ARL15: variants seen among roughly 807,000 people sequenced by gnomAD.
ARL15 encodes ADP-ribosylation factor-like protein 15.
ARL15 carries 19 observed loss-of-function variants against 25.2 expected under a neutral mutation model. The observed-to-expected ratio is 0.75, with a 90% CI of 0.53 to 1.10. The LOEUF (loss-of-function observed/expected upper bound fraction) is 1.10, where lower values mean the gene tolerates loss of function less well. Ranked by LOEUF, ARL15 falls within the 50% of genes least tolerant of loss-of-function variation. The pLI is 0.00. For synonymous variants in ARL15, 94 were observed against 86.8 expected, an observed-to-expected ratio of 1.08 and a Z score of -0.46; for missense variants, 220 against 246.0, an observed-to-expected ratio of 0.89 and a Z score of 0.71.
intron 1 of ARL15, among the ~76,000 whole-genome samples, chr5:54,269,579 T>C (rs1188123243): frequency 1.3e-5 from 2 of 152,232 alleles, no homozygotes; most frequent in African/African-American, 4.8e-5. Context: ...TTTTCAGTAA[T>C]ACATCTCTTA....
chr5:53,926,989 A>G (rs867456772), intron 4 of ARL15, among the ~76,000 whole-genome samples: 2 of 151,898 alleles, frequency 1.3e-5, no homozygotes, highest in Non-Finnish European at 2.9e-5. Flanking sequence ...TCTAGCCCCA[A>G]TATCTTCCTC....
chr5:54,105,474 A>G (rs1294878378), intron 4 of ARL15, among the ~76,000 whole-genome samples: 1 of 152,234 alleles, frequency 6.6e-6, no homozygotes, highest in Non-Finnish European at 1.5e-5. Context: ...ATGATTCATT[A>G]TAAAATATTT....
chr5:54,012,328 T>C (rs1749271367), intron 4 of ARL15, among the ~76,000 whole-genome samples: 1 of 152,156 alleles, frequency 6.6e-6, no homozygotes, highest in Non-Finnish European at 1.5e-5. Context: ...TTGATTGTTT[T>C]ATGGGTTCCA....
intron 1 of ARL15, among the ~76,000 whole-genome samples, chr5:54,209,820 C>T (rs1003653039): frequency 8.5e-5 from 13 of 152,124 alleles, no homozygotes; most frequent in African/African-American, 2.7e-4. Context: ...TTGAAACTGA[C>T]AGCCTTTCTT....
intron 3 of ARL15, among the ~76,000 whole-genome samples, chr5:54,153,100 T>C (rs541206494): frequency 6.6e-6 from 1 of 152,236 alleles, no homozygotes; most frequent in South Asian, 2.1e-4. Flanking sequence ...GTAACAGCCA[T>C]ATTTAAAACC....
intron 4 of ARL15, among the ~76,000 whole-genome samples, chr5:53,900,029 C>T (rs182497015): frequency 1.0e-3 from 159 of 152,222 alleles, no homozygotes; most frequent in African/African-American, 3.5e-3. Flanking sequence ...CCTTCTAGTA[C>T]GAAATTATCA....
chr5:53,918,721 T>C (rs1745739421), intron 4 of ARL15, among the ~76,000 whole-genome samples: 1 of 152,020 alleles, frequency 6.6e-6, no homozygotes, highest in Admixed American at 6.6e-5. Flanking sequence ...TTTAAGATAA[T>C]GCCACACAGA....
intron 4 of ARL15, among the ~76,000 whole-genome samples, chr5:53,985,439 C>G (rs1385396621): frequency 6.6e-6 from 1 of 152,308 alleles, no homozygotes; most frequent in African/African-American, 2.4e-5. Flanking sequence ...AACTGAAACT[C>G]TTATGCATAA....
chr5:54,265,021 A>G (rs1757587602), intron 1 of ARL15, among the ~76,000 whole-genome samples: 1 of 152,186 alleles, frequency 6.6e-6, no homozygotes, highest in African/African-American at 2.4e-5. Context: ...TGCCATAGTT[A>G]AATGTTCAAC....
At chr5:54,073,031 T>C (rs1751476143) in intron 4 of ARL15, among the ~76,000 whole-genome samples, 2 of 152,238 alleles carry the variant, frequency 1.3e-5, no homozygotes, top group South Asian at 4.1e-4. Flanking sequence ...TGGTTATGCA[T>C]TACTTTTTGA....
At chr5:54,069,738 C>A (rs1263747800) in intron 4 of ARL15, among the ~76,000 whole-genome samples, 1 of 151,608 alleles carries the variant, frequency 6.6e-6, no homozygotes, top group African/African-American at 2.4e-5. Flanking sequence ...ACCTCTGCCT[C>A]CTGGATTCAA....
At chr5:54,123,823 A>T (rs549926001) in intron 3 of ARL15, among the ~76,000 whole-genome samples, 34 of 152,332 alleles carry the variant, frequency 2.2e-4, no homozygotes, top group Non-Finnish European at 4.1e-4. Context: ...TCTCAAAATG[A>T]AATTAATTTT....
intron 4 of ARL15, among the ~76,000 whole-genome samples, chr5:53,923,654 A>C (rs1745924630): frequency 6.6e-6 from 1 of 152,150 alleles, no homozygotes; most frequent in African/African-American, 2.4e-5. Flanking sequence ...AAATCTCATA[A>C]TATTTAAAAA....
chr5:54,303,532 G>GAAAA (rs1554054027), intron 1 of ARL15, among the ~76,000 whole-genome samples: 1 of 151,028 alleles, frequency 6.6e-6, no homozygotes, highest in Non-Finnish European at 1.5e-5. Flanking sequence ...AGAAAAGCAA[G>GAAAA]AAACAAACAA....
chr5:53,916,257 G>A (rs963685516), intron 4 of ARL15, among the ~76,000 whole-genome samples: 17 of 150,114 alleles, frequency 1.1e-4, no homozygotes, highest in Admixed American at 1.1e-3. Flanking sequence ...TAATCTCAAT[G>A]TGGCTGTGTC....
chr5:54,228,998 G>C (rs1361187037), intron 1 of ARL15, among the ~76,000 whole-genome samples: 1 of 152,018 alleles, frequency 6.6e-6, no homozygotes, highest in Non-Finnish European at 1.5e-5. Context: ...CATGTTTCTG[G>C]GGGGCATCTG....
intron 1 of ARL15, among the ~76,000 whole-genome samples, chr5:54,265,621 C>G (rs891434932): frequency 8.7e-6 from 1 of 114,332 alleles, no homozygotes; most frequent in African/African-American, 3.3e-5. Context: ...CTATCATGCC[C>G]TTTCAAATTT....
chr5:53,996,391 G>C (rs1748672077), intron 4 of ARL15, among the ~76,000 whole-genome samples: 1 of 151,742 alleles, frequency 6.6e-6, no homozygotes, highest in African/African-American at 2.4e-5. Context: ...GACTGAGGCG[G>C]GTAGATCATC....
intron 4 of ARL15, among the ~76,000 whole-genome samples, chr5:54,013,308 G>A (rs1406939996): frequency 6.6e-6 from 1 of 152,216 alleles, no homozygotes; most frequent in Admixed American, 6.5e-5. Flanking sequence ...TTATGACAGT[G>A]AGAGAAGTCT....
Sources: allele counts gnomAD v4.1 joint callset (sites outside exome capture counted in the v4.1 genomes callset), GRCh38; gene constraint gnomAD v4.1.1; transcripts MANE v1.5; gene names NCBI Gene and HGNC (gene_info 2026-07-23, HGNC 2026-07-21).